The following LIMCH1 variants were observed in gnomAD, a reference collection of about 807,000 sequenced individuals.
LIMCH1 encodes the protein LIM and calponin homology domains 1.
Under a neutral mutation model 176.5 loss-of-function variants are expected in LIMCH1, and 113 were observed. That is an observed-to-expected ratio of 0.64 (90% confidence interval 0.55 to 0.75). LIMCH1 has a LOEUF of 0.75. Ranked by LOEUF, LIMCH1 falls within the 30% of genes least tolerant of loss-of-function variation. The pLI is 0.00. For missense variants in LIMCH1, 1,674 were observed against 1,814.9 expected (o/e 0.92, Z 1.41); for synonymous variants, 619 against 645.9 (o/e 0.96, Z 0.63).
chr4:41,650,591 G>A lies in LIMCH1; in HGVS notation c.3019G>A (p.Val1007Ile). Residue 1007 changes from valine to isoleucine, a missense_variant, in exon 18 of 32, where the codon GTT becomes ATT. By Grantham distance (29) the Val-to-Ile change is conservative. Coordinates refer to ENST00000503057, the MANE Select transcript of LIMCH1 (RefSeq NM_001330672.2). Reference protein sequence around the residue: ...IEINIKKPNSVPQELAATTEK... With the variant: ...IEINIKKPNSIPQELAATTEK... Reference sequence around the variant, plus strand: ...GATCAACATAAAGAAGCCAAACTCTGTTCCCCAAGAGCTCGCAGTAAGAAC... The same window carrying A: ...GATCAACATAAAGAAGCCAAACTCTATTCCCCAAGAGCTCGCAGTAAGAAC... The A allele has an allele frequency of 2.5e-6, 4 of 1,613,608 alleles. No homozygotes were observed. The highest frequency in any genetic ancestry group is 3.4e-6 in the Non-Finnish European group (4 of 1,179,826).
chr4:41,626,627 C>T, intron 7 of LIMCH1, 81 bp from the exon 8 acceptor site: 1 of 1,141,576 alleles, frequency 8.8e-7, no homozygotes, highest in Non-Finnish European at 1.2e-6. Context: ...TCACTAACAA[C>T]ACAGTTGTCT....
chr4:41,632,739 T>C lies in LIMCH1; in HGVS notation c.1602-10T>C. ...CTCTCTTGCCACCAATGCTACTTGA[T>C]CGTCTGCAGAACAATGAATTGTGGC... is the stretch of plus-strand genomic sequence containing the variant. On this transcript the variant is annotated splice_polypyrimidine_tract_variant and intron_variant, in intron 10 of 31. Coordinates refer to ENST00000503057, the MANE Select transcript of LIMCH1 (RefSeq NM_001330672.2). 6.5e-7 allele frequency: 1 copy of C among 1,533,992 alleles called. No individual in the cohort carries two copies. Among genetic ancestry groups the C allele is most frequent in the South Asian group, 1.2e-5 (1 of 84,018 alleles).
At chr4:41,399,893 A>C (rs1436444756) in intron 1 of LIMCH1, among the ~76,000 whole-genome samples, 1 of 139,758 alleles carries the variant, frequency 7.2e-6, no homozygotes. Flanking sequence ...CATGTTGGCC[A>C]GGATGGTCTT....
At chr4:41,691,592 C>CAAAAAAAAAA (rs796984431) in intron 30 of LIMCH1, among the ~76,000 whole-genome samples, 158 of 61,514 alleles carry the variant, frequency 2.6e-3, no homozygotes, top group African/African-American at 3.7e-3. Flanking sequence ...ACTAAAAATA[C>CAAAAAAAAAA]AAAAAAAAAA....
chr4:41,399,163 T>G lies in LIMCH1; in HGVS notation c.96+38227T>G, dbSNP rs147434618. On this transcript the variant is annotated intron_variant, in intron 1 of 26. Coordinates refer to the LIMCH1 transcript ENST00000313860. ...GGATGTTATTATAAAGTAAGGAGGT[T>G]GATTTTCATGTGAGGCCTAGTGCAA... Among the ~76,000 whole-genome samples the G allele has an allele frequency of 2.2e-3, 341 of 152,332 alleles. 1 individual carries two copies. Among genetic ancestry groups the G allele is most frequent in the African/African-American group, 7.7e-3 (322 of 41,586 alleles).
chr4:41,614,022 TTGAG>T (rs2091779021), intron 5 of LIMCH1, among the ~76,000 whole-genome samples: 1 of 152,222 alleles, frequency 6.6e-6, no homozygotes, highest in Admixed American at 6.5e-5. Context: ...AGCTAAATGT[TTGAG>T]TGAGTACCAC....
chr4:41,656,862 A>G (rs908656860), intron 18 of LIMCH1, among the ~76,000 whole-genome samples: 1 of 152,192 alleles, frequency 6.6e-6, no homozygotes, highest in Non-Finnish European at 1.5e-5. Flanking sequence ...CAGCAACTCC[A>G]TGTGAGAAAC....
chr4:41,509,706 T>C (rs2074620925), intron 2 of LIMCH1, among the ~76,000 whole-genome samples: 1 of 152,160 alleles, frequency 6.6e-6, no homozygotes, highest in Non-Finnish European at 1.5e-5. Context: ...AGGCTTCTGT[T>C]AGAAAGATGA....
intron 18 of LIMCH1, among the ~76,000 whole-genome samples, chr4:41,657,185 G>T (rs1268066620): frequency 6.6e-6 from 1 of 152,210 alleles, no homozygotes; most frequent in East Asian, 1.9e-4. Flanking sequence ...CACGTCCAGG[G>T]ATCTGTTTTT....
chr4:41,443,757 G>A (rs923432040), intron 1 of LIMCH1, among the ~76,000 whole-genome samples: 1 of 152,192 alleles, frequency 6.6e-6, no homozygotes, highest in African/African-American at 2.4e-5. Flanking sequence ...GAGCAGCTCG[G>A]ATGAGAGAGG....
At chr4:41,465,785 A>G (rs1386065666) in intron 1 of LIMCH1, among the ~76,000 whole-genome samples, 1 of 152,178 alleles carries the variant, frequency 6.6e-6, no homozygotes, top group African/African-American at 2.4e-5. Context: ...TATAGAATAG[A>G]TGTAAGCCAA....
At chr4:41,524,176 T>TC (rs1253264205) in intron 2 of LIMCH1, among the ~76,000 whole-genome samples, 1 of 152,202 alleles carries the variant, frequency 6.6e-6, no homozygotes, top group Non-Finnish European at 1.5e-5. Flanking sequence ...CTCTACCTTT[T>TC]CTCATCTCTC....
rs62411113 is a variant in LIMCH1, at chr4:41,411,661, G to A, written c.96+50725G>A. On this transcript the variant is annotated intron_variant, in intron 1 of 26. Coordinates refer to the LIMCH1 transcript ENST00000313860. The stretch of plus-strand genomic sequence containing the variant: ...CATCTGCCAATGGACTCAGCTTTTA[G>A]GGAAAAAAAAAAGGATAGGCTGGGT... 8.1e-4 allele frequency among the ~76,000 whole-genome samples: 111 copies of A among 137,172 alleles called. 3 individuals carry two copies. In the South Asian group the frequency reaches 0.025, roughly 31 times the overall value. 90.0% of individuals were successfully genotyped at this position (137,172 alleles called of 152,430 possible). A position where few individuals can be genotyped will look rare whatever the true frequency, so the allele number is the denominator to read the frequency against.
chr4:41,655,655 A>G (rs6447103), intron 18 of LIMCH1, among the ~76,000 whole-genome samples: 71,954 of 151,904 alleles, frequency 0.47, 18,008 homozygotes, highest in African/African-American at 0.55. Flanking sequence ...AGACACTTAC[A>G]TGATTCTTCC....
chr4:41,582,530 G>A (rs997323466), intron 1 of LIMCH1, among the ~76,000 whole-genome samples: 2 of 152,228 alleles, frequency 1.3e-5, no homozygotes, highest in Admixed American at 1.3e-4. Flanking sequence ...GTGGTAAGGG[G>A]TAGGGGTTCT....
upstream of LIMCH1, among the ~76,000 whole-genome samples, chr4:41,535,180 A>AAAAAG (rs1561663947): frequency 3.2e-3 from 454 of 142,216 alleles, no homozygotes; most frequent in African/African-American, 5.8e-3. Flanking sequence ...AAAAAAAAAA[A>AAAAAG]AAAAGAAAAG....
intron 1 of LIMCH1, among the ~76,000 whole-genome samples, chr4:41,450,798 CAAAAAAAAAAA>C (rs760652470): frequency 2.0e-5 from 1 of 50,662 alleles, no homozygotes; most frequent in African/African-American, 6.6e-5. Context: ...CTCTCTCTCT[CAAAAAAAAAAA>C]AAAAAAAAAA....
chr4:41,694,228 A>G (rs1283254763), intron 31 of LIMCH1, among the ~76,000 whole-genome samples: 2 of 152,172 alleles, frequency 1.3e-5, no homozygotes, highest in African/African-American at 4.8e-5. Context: ...CTCTGCTTCT[A>G]TAGACATTCA....
intron 1 of LIMCH1, among the ~76,000 whole-genome samples, chr4:41,564,288 A>G (rs978099535): frequency 6.6e-6 from 1 of 152,144 alleles, no homozygotes; most frequent in Non-Finnish European, 1.5e-5. Flanking sequence ...GGCTTCTCTC[A>G]CCCATTTGCT....
Sources: allele counts gnomAD v4.1 joint callset (sites outside exome capture counted in the v4.1 genomes callset), GRCh38; gene constraint gnomAD v4.1.1; transcripts MANE v1.5; gene names NCBI Gene and HGNC (gene_info 2026-07-23, HGNC 2026-07-21).